The following FGG variants were observed in gnomAD, a reference collection of about 807,000 sequenced individuals.
FGG encodes the protein fibrinogen, gamma polypeptide.
A neutral mutation model predicts 51.7 loss-of-function variants in FGG; 20 were observed. The ratio of observed to expected loss-of-function variants is 0.39; its 90% CI spans 0.27 to 0.56. The LOEUF is 0.56. Among genes scored for constraint, FGG ranks in the 20% least tolerant of loss-of-function variants. The probability of loss-of-function intolerance (pLI) is 0.64; values close to 1 mark genes in which losing one functional copy is unlikely to be tolerated. For synonymous variants in FGG, 184 were observed against 184.7 expected (o/e 1.00, Z 0.03); for missense variants, 460 against 534.2 (o/e 0.86, Z 1.37).
intron 8 of FGG, among the ~76,000 whole-genome samples, chr4:154,606,394 A>G (rs1731097025): frequency 6.6e-6 from 1 of 152,186 alleles, no homozygotes; most frequent in Non-Finnish European, 1.5e-5. Flanking sequence ...TAATCCATCC[A>G]GATCATTTAT....
At chr4:154,609,566 T>C in intron 6 of FGG, 64 bp downstream of exon 6, 2 of 1,591,306 alleles carry the variant, frequency 1.3e-6, no homozygotes, top group Non-Finnish European at 1.7e-6. Flanking sequence ...CTTAGAAAAG[T>C]ATCTGCCATA....
Position 154,608,513 on chromosome 4 carries a change from G to A in FGG, c.804C>T (p.Ile268=), listed in dbSNP as rs554574114. The A allele has an allele frequency of 4.3e-6, 7 of 1,613,738 alleles. No homozygotes were observed. In the African/African-American group the frequency reaches 6.7e-5, roughly 15 times the overall value. ...KIHLISTQSA[I]PYALRVELED... ...CCAGTTCCACTCTTAATGCATATGG[G>A]ATGGCAGACTGTGTGCTTATCAAAT... is the stretch of plus-strand genomic sequence containing the variant. Residue 268 remains isoleucine, a synonymous_variant, in exon 7 of 9, where the codon ATC becomes ATT. Coordinates refer to ENST00000336098, the MANE Select transcript of FGG (RefSeq NM_021870.3).
At chr4:154,608,043 G>GC (rs1731132435) in intron 7 of FGG, among the ~76,000 whole-genome samples, 1 of 152,110 alleles carries the variant, frequency 6.6e-6, no homozygotes, top group African/African-American at 2.4e-5. Context: ...AAGAGGACAG[G>GC]CTCTAAAGTT....
At chr4:154,610,287 G>A (rs1200426723) in intron 4 of FGG, 90 bp from the exon 5 acceptor site, 1 of 1,024,206 alleles carries the variant, frequency 9.8e-7, no homozygotes, top group Admixed American at 2.2e-5. Flanking sequence ...TTTGGAAACT[G>A]CTAAGTATTT....
chr4:154,607,116 T>G (rs1731114589), intron 7 of FGG, 134 bp from the exon 8 acceptor site: 1 of 1,122,816 alleles, frequency 8.9e-7, no homozygotes. Context: ...TGAGTGAAGT[T>G]TTTTGCAAAT....
chr4:154,612,457 A>C (rs754380165), intron 1 of FGG, 22 bp from the exon 2 acceptor site: 3 of 1,613,804 alleles, frequency 1.9e-6, no homozygotes, highest in Admixed American at 3.3e-5. Context: ...AAAATACAGA[A>C]ATTTCACTAG....
In FGG at chr4:154,610,053, C is replaced by A. The variant is rs547364216; in HGVS notation, c.532+14G>T. ...TTTGATGAACCTAATCCCAATATAA[C>A]CTTCATCAGTTACCTTTCCCAGTGA... On this transcript the variant is annotated intron_variant, in intron 5 of 8. Transcript: ENST00000336098. The A allele has an allele frequency of 9.9e-6, 16 of 1,613,692 alleles. No homozygotes were observed. In the East Asian group the frequency reaches 2.7e-4, roughly 27 times the overall value.
intron 4 of FGG, among the ~76,000 whole-genome samples, chr4:154,611,051 TAATAATAAC>T (rs775100991): frequency 1.1e-4 from 17 of 152,152 alleles, no homozygotes; most frequent in Admixed American, 8.5e-4. Context: ...ATGCAAGTAA[TAATAATAAC>T]AATAATAACA....
chr4:154,609,266 A>G (rs546603295), intron 6 of FGG, among the ~76,000 whole-genome samples: 10 of 152,086 alleles, frequency 6.6e-5, no homozygotes, highest in Admixed American at 6.5e-4. Flanking sequence ...TCAGGTCTTG[A>G]CCTACCTGAC....
At chr4:154,605,141 A>C in intron 8 of FGG, 75 bp from the exon 9 acceptor site, 1 of 1,512,488 alleles carries the variant, frequency 6.6e-7, no homozygotes, top group Non-Finnish European at 9.1e-7. Flanking sequence ...AGAGCTGTCT[A>C]TTACGAAGTG....
chr4:154,608,274 C>A (rs1038487627), intron 7 of FGG, among the ~76,000 whole-genome samples, 192 bp downstream of exon 7: 1 of 152,166 alleles, frequency 6.6e-6, no homozygotes, highest in Non-Finnish European at 1.5e-5. Context: ...TACCAATACA[C>A]TTAGATTCAT....
chr4:154,610,310 C>T, intron 4 of FGG, 113 bp from the exon 5 acceptor site: 3 of 768,616 alleles, frequency 3.9e-6, no homozygotes, highest in Non-Finnish European at 6.3e-6. Context: ...TTAAGAAGTG[C>T]TTTCTGATAA....
In FGG at chr4:154,604,735, G is replaced by T; in HGVS notation, c.*99C>A. 1.3e-6 allele frequency: 2 copies of T among 1,571,958 alleles called. No individual in the cohort carries two copies. Among genetic ancestry groups the T allele is most frequent in the Non-Finnish European group, 1.7e-6 (2 of 1,162,106 alleles). ...CATTGAAGGCTAAATGTCCTTAATA[G>T]AAGACTTGAAATCAATAAATATAGT... On this transcript the variant is annotated 3_prime_UTR_variant, in exon 9 of 9. Transcript: ENST00000336098.
intron 7 of FGG, 86 bp from the exon 8 acceptor site, chr4:154,607,068 AT>A: frequency 1.4e-6 from 2 of 1,476,748 alleles, no homozygotes; most frequent in Non-Finnish European, 9.0e-7. Context: ...CTTCCTTGGA[AT>A]TTTTGACTTT....
At chr4:154,610,805 T>A (rs1731197087) in intron 4 of FGG, among the ~76,000 whole-genome samples, 2 of 152,140 alleles carry the variant, frequency 1.3e-5, no homozygotes, top group Non-Finnish European at 2.9e-5. Context: ...CTTTAATGCT[T>A]CTGGTTACAT....
chr4:154,610,468 G>T (rs558466188), intron 4 of FGG, among the ~76,000 whole-genome samples: 17 of 152,242 alleles, frequency 1.1e-4, no homozygotes, highest in African/African-American at 3.6e-4. Flanking sequence ...TTAGAATGGG[G>T]CATATTGTCT....
chr4:154,604,911 C>T lies in FGG; in HGVS notation c.1285G>A (p.Gly429Arg), dbSNP rs145938787. ...TCTGGTCTGACCTGTTTGGCTCCCC[C>T]CAGGTGGTGTTGCTGTCCTTCTCCA... ...TIGEGQQHHLGGAKQVRPEHP... is the reference protein window; with the variant it reads ...TIGEGQQHHLRGAKQVRPEHP... Residue 429 changes from glycine (G) to arginine (R), a missense_variant, in exon 9 of 9, where the codon GGG becomes AGG. Physicochemically the swap from Gly to Arg is moderately radical, Grantham distance 125 (BLOSUM62 -2). Around this residue, in one of 3 missense-constraint regions of FGG, gnomAD observed 92 missense variants for 93.7 expected, o/e 0.98. Transcript: ENST00000336098. The T allele has an allele frequency of 1.2e-6, 2 of 1,614,052 alleles. No individual in the cohort carries two copies. Among genetic ancestry groups the T allele is most frequent in the Admixed American group, 1.7e-5 (1 of 60,008 alleles).
At position 154,612,423 on chromosome 4, in the gene FGG, T is replaced by C. The variant is rs766344123; in HGVS notation, c.91A>G (p.Arg31Gly). 3 of 1,613,950 alleles carry C rather than the reference T, an allele frequency of 1.9e-6. No individual in the cohort carries two copies. In the South Asian group the frequency reaches 3.3e-5, roughly 18 times the overall value. ...TCATCTAAGATGCAGCAGTTGTCTC[T>C]GGTAGCAACATACTAAAAGAGAAAA... ...SSTCVAYVAT[R>G]DNCCILDERF... Residue 31 changes from arginine to glycine, a missense_variant, in exon 2 of 9, where the codon AGA becomes GGA. Physicochemically the swap from Arg to Gly is moderately radical, Grantham distance 125. Coordinates refer to ENST00000336098, the MANE Select transcript of FGG (RefSeq NM_021870.3).
At chr4:154,612,243 T>A in intron 2 of FGG, 42 bp from the exon 3 acceptor site, 1 of 1,599,944 alleles carries the variant, frequency 6.3e-7, no homozygotes, top group Non-Finnish European at 8.6e-7. Flanking sequence ...CAGATGCTAC[T>A]CTTAAAATCT....
Sources: allele counts gnomAD v4.1 joint callset (sites outside exome capture counted in the v4.1 genomes callset), GRCh38; gene constraint gnomAD v4.1.1; regional missense constraint gnomAD v4.1.1; transcripts MANE v1.5; gene names NCBI Gene and HGNC (gene_info 2026-07-23, HGNC 2026-07-21).